CMKLR1: variants seen among roughly 807,000 people sequenced by gnomAD.
The protein encoded by CMKLR1 is chemerin chemokine-like receptor 1, also known as chemerin-like receptor 1.
CMKLR1 carries 6 observed loss-of-function variants against 8.2 expected under a neutral mutation model. The ratio of observed to expected loss-of-function variants is 0.73; its 90% CI spans 0.40 to 1.44. The LOEUF (loss-of-function observed/expected upper bound fraction) is 1.44. CMKLR1 is among the 40% of genes most tolerant of loss of function. The pLI is 0.02. For missense variants in CMKLR1, 429 were observed against 478.0 expected, an observed-to-expected ratio of 0.90 and a Z score of 0.96; for synonymous variants, 178 against 181.2, an observed-to-expected ratio of 0.98 and a Z score of 0.14.
chr12:108,297,650 C>T (rs1452857694), intron 2 of CMKLR1, among the ~76,000 whole-genome samples: 1 of 152,186 alleles, frequency 6.6e-6, no homozygotes, highest in East Asian at 1.9e-4. Context: ...TGCCTGAGGC[C>T]ACACAGCAGG....
At chr12:108,337,705 G>C (rs1021322480) in intron 1 of CMKLR1, among the ~76,000 whole-genome samples, 2 of 152,124 alleles carry the variant, frequency 1.3e-5, no homozygotes, top group South Asian at 2.1e-4. Context: ...AGTTTTGGGG[G>C]AGTCCAAAGA....
intron 2 of CMKLR1, among the ~76,000 whole-genome samples, chr12:108,329,100 T>G (rs2137341016): frequency 6.6e-6 from 1 of 152,348 alleles, no homozygotes; most frequent in East Asian, 1.9e-4. Context: ...ATTTCAAACT[T>G]AATTAGCTTC....
At chr12:108,332,081 C>T (rs1182977620) in intron 1 of CMKLR1, among the ~76,000 whole-genome samples, 1 of 152,130 alleles carries the variant, frequency 6.6e-6, no homozygotes, top group African/African-American at 2.4e-5. Context: ...AAAGGATGGG[C>T]ATTTGAGTGT....
rs1278972829 is a variant in CMKLR1 at position 108,292,448 on chromosome 12, G to A, written c.515C>T (p.Ser172Phe). 3 of 1,614,156 alleles carry A rather than the reference G, an allele frequency of 1.9e-6. No individual in the cohort carries two copies. Among genetic ancestry groups the A allele is most frequent in the East Asian group, 2.2e-5 (1 of 44,882 alleles). ...VIWVLAFFLS[S>F]PSLVFRDTAN... ...TGTGTCCCGGAAGACGAGAGATGGG[G>A]AACTCAAGAAGAAAGCCAGGACCCA... is the stretch of plus-strand genomic sequence containing the variant. Residue 172 changes from serine to phenylalanine, a missense_variant, in exon 4 of 4, where the codon TCC becomes TTC. By Grantham distance (155) the Ser-to-Phe change is radical (BLOSUM62 -2). Transcript: ENST00000550402.
chr12:108,311,724 G>A (rs1286316760), intron 2 of CMKLR1, among the ~76,000 whole-genome samples: 8 of 152,272 alleles, frequency 5.3e-5, no homozygotes, highest in African/African-American at 1.9e-4. Context: ...AGGAAGGGTG[G>A]GCCACTGAGC....
chr12:108,293,669 AG>A lies in CMKLR1; in HGVS notation c.-73-6del, dbSNP rs1197620193. ...CCTGTACACAGCTAGAAACACCTGT[AG>A]GGAAAAAAAAAAAAAAAAAAGCAGC... On this transcript the variant is annotated splice_region_variant and splice_polypyrimidine_tract_variant and intron_variant, in intron 2 of 3. Transcript: ENST00000550402. 107 of 889,508 alleles carry A rather than the reference AG, an allele frequency of 1.2e-4. No homozygotes were observed. Among genetic ancestry groups the A allele is most frequent in the Non-Finnish European group, 1.5e-4 (92 of 601,750 alleles). 55.1% of individuals were successfully genotyped at this position (889,508 alleles called of 1,614,324 possible). A position where few individuals can be genotyped will look rare whatever the true frequency, so the allele number is the denominator to read the frequency against.
At chr12:108,316,382 G>A (rs955521188) in intron 2 of CMKLR1, among the ~76,000 whole-genome samples, 7 of 152,168 alleles carry the variant, frequency 4.6e-5, no homozygotes, top group South Asian at 2.1e-4. Context: ...CCTCCTCAAC[G>A]TAGACAGAAA....
chr12:108,291,878 C>G lies in CMKLR1; in HGVS notation c.1085G>C (p.Arg362Thr). Residue 362 changes from arginine to threonine, a missense_variant, in exon 4 of 4, where the codon AGG becomes ACG. Transcript: ENST00000550402. ...GGTCTCCCTCTCATTCATAGAAGTCCTCTCATTCATTGATGACATCTTGGT... is the reference window on the plus strand; with the variant it reads ...GGTCTCCCTCTCATTCATAGAAGTCGTCTCATTCATTGATGACATCTTGGT... Reference protein sequence around the residue: ...SFTKMSSMNERTSMNERETGM... With the variant: ...SFTKMSSMNETTSMNERETGM... 1 of 1,614,028 alleles carries G rather than the reference C, an allele frequency of 6.2e-7. No homozygotes were observed. The highest frequency in any genetic ancestry group is 8.5e-7 in the Non-Finnish European group (1 of 1,179,950).
At chr12:108,304,946 C>T (rs897589601) in intron 2 of CMKLR1, among the ~76,000 whole-genome samples, 2 of 152,244 alleles carry the variant, frequency 1.3e-5, no homozygotes, top group African/African-American at 2.4e-5. Flanking sequence ...TGGAAACATT[C>T]CTCGCTCTGC....
intron 2 of CMKLR1, among the ~76,000 whole-genome samples, chr12:108,309,390 C>T (rs1039141609): frequency 3.3e-4 from 50 of 152,238 alleles, no homozygotes; most frequent in African/African-American, 1.1e-3. Context: ...GAGACATGGG[C>T]TGGTGCTGTG....
At chr12:108,337,777 A>G (rs1892263544) in intron 1 of CMKLR1, among the ~76,000 whole-genome samples, 1 of 152,218 alleles carries the variant, frequency 6.6e-6, no homozygotes, top group Non-Finnish European at 1.5e-5. Context: ...ACACATCATC[A>G]TTTGAGTGCC....
intron 2 of CMKLR1, among the ~76,000 whole-genome samples, chr12:108,306,996 G>A (rs111610824): frequency 1.2e-4 from 18 of 152,144 alleles, no homozygotes; most frequent in African/African-American, 4.3e-4. Flanking sequence ...TATCTTCCCA[G>A]CCATCCAGCT....
intron 1 of CMKLR1, among the ~76,000 whole-genome samples, chr12:108,336,894 T>A (rs1246360929): frequency 6.6e-6 from 1 of 152,256 alleles, no homozygotes; most frequent in Non-Finnish European, 1.5e-5. Flanking sequence ...GCTTTACTTG[T>A]ATGATCTCAT....
chr12:108,289,921 G>A lies in CMKLR1; in HGVS notation c.*1920C>T, dbSNP rs1890915496. On this transcript the variant is annotated 3_prime_UTR_variant, in exon 4 of 4. Coordinates refer to ENST00000550402, the MANE Select transcript of CMKLR1 (RefSeq NM_001142343.2). ...TGCATCTGTTCATTGCATCTTGTTG[G>A]AGAATCAGCTTAACAATGAAGGGAC... The A allele has an allele frequency of 6.6e-6, 1 of 152,268 alleles. No homozygotes were observed. The highest frequency in any genetic ancestry group is 1.5e-5 in the Non-Finnish European group (1 of 68,060). The allele number at this position is 152,268 out of a possible 1,614,324, so 9.4% of individuals were successfully genotyped here.
chr12:108,314,804 C>T (rs1389726576), intron 2 of CMKLR1, among the ~76,000 whole-genome samples: 2 of 152,060 alleles, frequency 1.3e-5, no homozygotes, highest in African/African-American at 4.8e-5. Context: ...ATTGCCCAAG[C>T]TGGTCTTGAA....
At chr12:108,310,794 G>GT (rs1891538013) in intron 2 of CMKLR1, among the ~76,000 whole-genome samples, 1 of 152,118 alleles carries the variant, frequency 6.6e-6, no homozygotes, top group Admixed American at 6.5e-5. Context: ...GTAACACCGA[G>GT]TCCCCCATCC....
Position 108,289,254 on chromosome 12 carries a change from A to C in CMKLR1, c.*2587T>G, listed in dbSNP as rs912096313. ...GCCCAGAGAGAAGGCTCTGGGCACT[A>C]AGTATGTTGGTTGCCTGTGCAGCAG... is the stretch of plus-strand genomic sequence containing the variant. On this transcript the variant is annotated 3_prime_UTR_variant, in exon 4 of 4. Transcript: ENST00000550402. 1.3e-5 allele frequency: 2 copies of C among 152,256 alleles called. No individual in the cohort carries two copies. Among genetic ancestry groups the C allele is most frequent in the African/African-American group, 4.8e-5 (2 of 41,442 alleles). 9.4% of individuals were successfully genotyped at this position (152,256 alleles called of 1,614,324 possible).
At position 108,292,105 on chromosome 12, in the gene CMKLR1, G is replaced by A; in HGVS notation, c.858C>T (p.His286=). The stretch of plus-strand genomic sequence containing the variant: ...TGAAGACAGAGCCAGGCATGGCAGT[G>A]TGGTGGAGCTCTAGGAGGTTGAGTG... ...YHTLNLLELH[H]TAMPGSVFSL... Residue 286 remains histidine, a synonymous_variant, in exon 4 of 4, where the codon CAC becomes CAT. Coordinates refer to ENST00000550402, the MANE Select transcript of CMKLR1 (RefSeq NM_001142343.2). 1 of 1,614,254 alleles carries A rather than the reference G, an allele frequency of 6.2e-7. No individual in the cohort carries two copies. Among genetic ancestry groups the A allele is most frequent in the East Asian group, 2.2e-5 (1 of 44,886 alleles).
chr12:108,330,943 C>A (rs1173687850), intron 1 of CMKLR1, among the ~76,000 whole-genome samples: 1 of 152,160 alleles, frequency 6.6e-6, no homozygotes, highest in Non-Finnish European at 1.5e-5. Flanking sequence ...GCAGCTGGCA[C>A]CTTCTCCCCT....
Sources: allele counts gnomAD v4.1 joint callset (sites outside exome capture counted in the v4.1 genomes callset), GRCh38; gene constraint gnomAD v4.1.1; transcripts MANE v1.5; gene names NCBI Gene and HGNC (gene_info 2026-07-23, HGNC 2026-07-21).